Variants in NRXN1 observed in about 807,000 individuals in gnomAD.
The protein encoded by NRXN1 is neurexin 1, also known as neurexin-1.
A neutral mutation model predicts 150.9 loss-of-function variants in NRXN1; 39 were observed. That is an observed-to-expected ratio of 0.26 (90% CI 0.20 to 0.34). The LOEUF (loss-of-function observed/expected upper bound fraction) is 0.34. Among genes scored for constraint, NRXN1 ranks in the 10% least tolerant of loss-of-function variants. NRXN1 has a pLI of 1.00. For synonymous variants in NRXN1, 924 were observed against 757.0 expected (o/e 1.22, Z -3.62); for missense variants, 1,815 against 1,949.9 (o/e 0.93, Z 1.30).
chr2:50,019,968 AAAAAAGAGAG>A lies in NRXN1; in HGVS notation c.4128+33293_4128+33302del, dbSNP rs1455908639. On this transcript the variant is annotated intron_variant, in intron 21 of 22. Coordinates refer to ENST00000401669, the MANE Select transcript of NRXN1 (RefSeq NM_001330078.2). Reference sequence around the variant, plus strand: ...GTCTCAAAAAAAAAAAAAAAAAAAAAAAAAAGAGAGAGAGAGAGACCTAGGGAGCTACGTC... The same window carrying A: ...GTCTCAAAAAAAAAAAAAAAAAAAAAAGAGAGAGACCTAGGGAGCTACGTC... Among the ~76,000 whole-genome samples the A allele has an allele frequency of 2.6e-4, 34 of 129,572 alleles. 5 individuals carry two copies. The highest frequency in any genetic ancestry group is 2.3e-3 in the East Asian group (10 of 4,404). The allele number at this position is 129,572 out of a possible 152,430, so 85.0% of individuals were successfully genotyped here. A position where few individuals can be genotyped will look rare whatever the true frequency, so the allele number is the denominator to read the frequency against.
chr2:50,786,820 T>G (rs1364511310), intron 5 of NRXN1, among the ~76,000 whole-genome samples: 1 of 152,146 alleles, frequency 6.6e-6, no homozygotes, highest in Non-Finnish European at 1.5e-5. Flanking sequence ...TAAACCAACC[T>G]TCCCTCAAAT....
intron 2 of NRXN1, among the ~76,000 whole-genome samples, chr2:51,027,064 T>C (rs1391379636): frequency 6.6e-6 from 1 of 152,172 alleles, no homozygotes; most frequent in Non-Finnish European, 1.5e-5. Context: ...TCATTTCTCA[T>C]CAAACACATG....
chr2:50,813,742 T>C (rs1668546168), intron 5 of NRXN1, among the ~76,000 whole-genome samples: 1 of 152,164 alleles, frequency 6.6e-6, no homozygotes, highest in African/African-American at 2.4e-5. Context: ...GAAATTGGTT[T>C]TAATTAAAAG....
At chr2:50,644,934 C>G (rs991567437) in intron 5 of NRXN1, among the ~76,000 whole-genome samples, 1 of 149,390 alleles carries the variant, frequency 6.7e-6, no homozygotes, top group Non-Finnish European at 1.5e-5. Context: ...TTTTCAAAAG[C>G]ATGGCTACAT....
At chr2:50,500,187 A>G (rs17476711) in intron 13 of NRXN1, among the ~76,000 whole-genome samples, 13,780 of 152,148 alleles carry the variant, frequency 0.091, 845 homozygotes, top group Non-Finnish European at 0.13. Context: ...ACCAGCTCTA[A>G]AAGAGGAAAG....
At chr2:50,868,610 T>C (rs1320033249) in intron 5 of NRXN1, among the ~76,000 whole-genome samples, 2 of 151,838 alleles carry the variant, frequency 1.3e-5, no homozygotes, top group South Asian at 2.1e-4. Context: ...CAGAAACAAG[T>C]TCTATACATA....
intron 21 of NRXN1, among the ~76,000 whole-genome samples, chr2:49,947,531 T>G (rs1296460957): frequency 4.4e-5 from 6 of 135,624 alleles, no homozygotes; most frequent in Non-Finnish European, 4.8e-5. Context: ...TTTTTTTTTT[T>G]GTAGAGATAA....
chr2:49,964,501 A>C (rs1025157949), intron 21 of NRXN1, among the ~76,000 whole-genome samples: 2 of 151,628 alleles, frequency 1.3e-5, no homozygotes, highest in African/African-American at 4.8e-5. Context: ...AATTGCTTGA[A>C]CTAGGGAGGT....
At chr2:50,924,245 A>G (rs112441601) in intron 3 of NRXN1, among the ~76,000 whole-genome samples, 26 of 151,902 alleles carry the variant, frequency 1.7e-4, no homozygotes, top group African/African-American at 6.0e-4. Context: ...AAATTCACTA[A>G]TCCCCAAAGA....
At chr2:50,649,782 A>C (rs1685341784) in intron 5 of NRXN1, among the ~76,000 whole-genome samples, 1 of 152,074 alleles carries the variant, frequency 6.6e-6, no homozygotes, top group South Asian at 2.1e-4. Context: ...TTTTGTTGAC[A>C]AACTAGCACT....
chr2:50,782,504 T>A (rs565559773), intron 5 of NRXN1, among the ~76,000 whole-genome samples: 1 of 152,136 alleles, frequency 6.6e-6, no homozygotes, highest in Admixed American at 6.6e-5. Context: ...AAGAAAAGGA[T>A]GATGAATTCC....
At chr2:51,030,535 AACACACACACACAC>A (rs57434663) in intron 1 of NRXN1, among the ~76,000 whole-genome samples, 1 of 145,250 alleles carries the variant, frequency 6.9e-6, no homozygotes, top group African/African-American at 2.6e-5. Flanking sequence ...TCTCTCTTTC[AACACACACACACAC>A]ACACACACAC....
chr2:50,715,812 C>T (rs1695799822), intron 5 of NRXN1, among the ~76,000 whole-genome samples: 2 of 152,164 alleles, frequency 1.3e-5, no homozygotes, highest in Admixed American at 1.3e-4. Context: ...TTATTAGTTT[C>T]CATATATTAA....
intron 5 of NRXN1, among the ~76,000 whole-genome samples, chr2:50,666,839 AATGATGATG>A (rs202154192): frequency 6.9e-6 from 1 of 144,988 alleles, no homozygotes; most frequent in East Asian, 2.1e-4. Flanking sequence ...AGCATAAAAT[AATGATGATG>A]ATGATGATGA....
intron 21 of NRXN1, among the ~76,000 whole-genome samples, chr2:50,013,093 T>TC (rs1685974851): frequency 1.3e-5 from 2 of 152,054 alleles, no homozygotes; most frequent in Non-Finnish European, 2.9e-5. Flanking sequence ...CTACTAACAG[T>TC]CACTCAAGAT....
chr2:50,438,148 G>A (rs1288647278), intron 17 of NRXN1, among the ~76,000 whole-genome samples: 1 of 152,184 alleles, frequency 6.6e-6, no homozygotes, highest in Non-Finnish European at 1.5e-5. Flanking sequence ...GTCATGGCCA[G>A]GAGTTAACTG....
intron 17 of NRXN1, among the ~76,000 whole-genome samples, chr2:50,273,552 C>T (rs1311498641): frequency 6.6e-6 from 1 of 151,614 alleles, no homozygotes; most frequent in African/African-American, 2.4e-5. Flanking sequence ...TTTTACAGTC[C>T]CTTATTAAAT....
At chr2:50,579,098 C>T (rs1211753453) in intron 8 of NRXN1, among the ~76,000 whole-genome samples, 1 of 152,070 alleles carries the variant, frequency 6.6e-6, no homozygotes, top group Admixed American at 6.6e-5. Context: ...TCATATGATC[C>T]TAATCTTAAT....
intron 5 of NRXN1, among the ~76,000 whole-genome samples, chr2:50,875,268 G>A (rs1352100440): frequency 6.6e-6 from 1 of 151,476 alleles, no homozygotes; most frequent in Non-Finnish European, 1.5e-5. Context: ...CTTCTTCACT[G>A]CATGTAAGTA....
Sources: allele counts gnomAD v4.1 joint callset (sites outside exome capture counted in the v4.1 genomes callset), GRCh38; gene constraint gnomAD v4.1.1; transcripts MANE v1.5; gene names NCBI Gene and HGNC (gene_info 2026-07-23, HGNC 2026-07-21).